Variants in CRYL1 observed in about 807,000 individuals in gnomAD.
The protein encoded by CRYL1 is lambda-crystallin homolog.
CRYL1 carries 29 observed loss-of-function variants against 36.6 expected under a neutral mutation model. The observed-to-expected ratio is 0.79, with a 90% CI of 0.59 to 1.08. The LOEUF (loss-of-function observed/expected upper bound fraction) is 1.08, where lower values mean the gene tolerates loss of function less well. Ranked by LOEUF, CRYL1 falls within the 50% of genes least tolerant of loss-of-function variation. The probability of loss-of-function intolerance (pLI) is 0.00; values close to 1 mark genes in which losing one functional copy is unlikely to be tolerated. For synonymous variants in CRYL1, 152 were observed against 151.5 expected (o/e 1.00, Z -0.02); for missense variants, 411 against 407.9 (o/e 1.01, Z -0.06).
intron 6 of CRYL1, among the ~76,000 whole-genome samples, chr13:20,405,460 T>C (rs2031346257): frequency 6.6e-6 from 1 of 152,186 alleles, no homozygotes; most frequent in Non-Finnish European, 1.5e-5. Flanking sequence ...TTTGAATGCA[T>C]TTTCCAAGAA....
chr13:20,434,441 G>C (rs576270561), intron 4 of CRYL1, among the ~76,000 whole-genome samples: 47 of 152,212 alleles, frequency 3.1e-4, no homozygotes, highest in African/African-American at 1.1e-3. Context: ...TCAGCGCTCT[G>C]TAAAATGCAC....
intron 2 of CRYL1, among the ~76,000 whole-genome samples, chr13:20,502,867 G>C (rs549695788): frequency 9.2e-5 from 14 of 152,260 alleles, no homozygotes; most frequent in African/African-American, 2.9e-4. Context: ...GGAGACAATG[G>C]CCAGTCAAGG....
At chr13:20,405,851 C>G (rs1419464098) in intron 6 of CRYL1, 1 of 152,340 alleles carries the variant, frequency 6.6e-6, no homozygotes, top group Non-Finnish European at 1.5e-5. Flanking sequence ...AGGCCAGTCA[C>G]GGCCCCCACC....
intron 5 of CRYL1, among the ~76,000 whole-genome samples, chr13:20,426,164 G>A (rs2031928478): frequency 6.6e-6 from 1 of 152,042 alleles, no homozygotes; most frequent in African/African-American, 2.4e-5. Flanking sequence ...GGGCAGGTCT[G>A]GCTGGGTGAG....
At chr13:20,496,896 C>T (rs1443281908) in intron 2 of CRYL1, among the ~76,000 whole-genome samples, 1 of 147,152 alleles carries the variant, frequency 6.8e-6, no homozygotes, top group South Asian at 2.2e-4. Context: ...TATTGGGAGA[C>T]AAAATGGACA....
Position 20,426,139 on chromosome 13 carries a change from C to T in CRYL1, c.633+5963G>A, listed in dbSNP as rs898141238. On this transcript the variant is annotated intron_variant, in intron 5 of 7. Coordinates refer to ENST00000298248, the MANE Select transcript of CRYL1 (RefSeq NM_015974.3). ...GGAGATCCCCTGGGGCGTCACTCTC[C>T]AGCAGGCCCAAGCGGGGCAGGTCTG... Among the ~76,000 whole-genome samples the T allele has an allele frequency of 2.0e-5, 3 of 152,202 alleles. No homozygotes were observed. In the East Asian group the frequency reaches 5.8e-4, roughly 29 times the overall value.
chr13:20,447,982 G>A (rs2032493227), intron 3 of CRYL1, among the ~76,000 whole-genome samples: 1 of 152,136 alleles, frequency 6.6e-6, no homozygotes, highest in Non-Finnish European at 1.5e-5. Context: ...ACCCGAGAAA[G>A]TGATCTTTCA....
rs367825418 is a variant in CRYL1 at position 20,473,306 on chromosome 13, G to A, written c.276+16064C>T. On this transcript the variant is annotated intron_variant, in intron 3 of 7. Coordinates refer to ENST00000298248, the MANE Select transcript of CRYL1 (RefSeq NM_015974.3). ...ACATGCTGCTCACTGTGGCCGGAGCGTCGGACTTTAAGGAGCTGTGAGACA... is the reference window on the plus strand; with the variant it reads ...ACATGCTGCTCACTGTGGCCGGAGCATCGGACTTTAAGGAGCTGTGAGACA... Among the ~76,000 whole-genome samples the A allele has an allele frequency of 1.8e-3, 270 of 152,374 alleles. 1 individual carries two copies. Among genetic ancestry groups the A allele is most frequent in the African/African-American group, 5.6e-3 (234 of 41,590 alleles).
At chr13:20,446,571 A>G (rs572064126) in intron 3 of CRYL1, among the ~76,000 whole-genome samples, 10 of 152,352 alleles carry the variant, frequency 6.6e-5, no homozygotes, top group Admixed American at 2.6e-4. Flanking sequence ...GCAGAATGGG[A>G]GAACTAGCCA....
At chr13:20,407,490 G>A (rs2031407895) in intron 6 of CRYL1, among the ~76,000 whole-genome samples, 1 of 152,152 alleles carries the variant, frequency 6.6e-6, no homozygotes, top group Admixed American at 6.5e-5. Flanking sequence ...CACGAGAGGA[G>A]AATTGGGTGT....
Position 20,507,762 on chromosome 13 carries a change from T to C in CRYL1, c.149+4681A>G, listed in dbSNP as rs113309181. On this transcript the variant is annotated intron_variant, in intron 2 of 7. Coordinates refer to ENST00000298248, the MANE Select transcript of CRYL1 (RefSeq NM_015974.3). The stretch of plus-strand genomic sequence containing the variant: ...TGAAACCCCGTCTCTACTAAAAATA[T>C]AAAAAATTAGCTGGGCGTGGTGGCG... Among the ~76,000 whole-genome samples the C allele has an allele frequency of 9.0e-3, 1,365 of 151,556 alleles. 8 individuals carry two copies. Among genetic ancestry groups the C allele is most frequent in the African/African-American group, 0.024 (1,009 of 41,286 alleles).
rs866531134 is a variant in CRYL1, at chr13:20,441,994, G to A, written c.277-2240C>T. The stretch of plus-strand genomic sequence containing the variant: ...ATTGTGTTAACTCCCCTTATCAAAA[G>A]GGGAAAAAGAGCTACAGTAGCTGGC... On this transcript the variant is annotated intron_variant, in intron 3 of 7. Coordinates refer to ENST00000298248, the MANE Select transcript of CRYL1 (RefSeq NM_015974.3). 3.3e-5 allele frequency among the ~76,000 whole-genome samples: 5 copies of A among 152,316 alleles called. No homozygotes were observed. In the Middle Eastern group the frequency reaches 0.01, roughly 311 times the overall value.
intron 3 of CRYL1, among the ~76,000 whole-genome samples, chr13:20,471,469 G>A (rs1157358256): frequency 3.3e-5 from 5 of 152,032 alleles, no homozygotes; most frequent in Admixed American, 6.5e-5. Flanking sequence ...GCCGGGTGTG[G>A]TGGCGGTCGC....
At chr13:20,436,628 C>T (rs1435851752) in intron 4 of CRYL1, among the ~76,000 whole-genome samples, 1 of 152,170 alleles carries the variant, frequency 6.6e-6, no homozygotes, top group African/African-American at 2.4e-5. Flanking sequence ...CACCCTAAAA[C>T]CCAGCCTGAA....
chr13:20,434,686 T>A (rs1199623414), intron 4 of CRYL1, among the ~76,000 whole-genome samples: 3 of 148,554 alleles, frequency 2.0e-5, no homozygotes, highest in Non-Finnish European at 4.5e-5. Context: ...AGCTTTGTCC[T>A]TTTGCTCTTC....
chr13:20,465,830 G>A (rs1294962496), intron 3 of CRYL1, among the ~76,000 whole-genome samples: 1 of 152,000 alleles, frequency 6.6e-6, no homozygotes, highest in Non-Finnish European at 1.5e-5. Flanking sequence ...TTGGATGTGG[G>A]GCCCAGAGGG....
intron 5 of CRYL1, among the ~76,000 whole-genome samples, chr13:20,414,190 A>G (rs935586766): frequency 1.8e-5 from 2 of 109,734 alleles, no homozygotes; most frequent in African/African-American, 7.1e-5. Context: ...AAATAAATAA[A>G]TAAAAATTAA....
intron 5 of CRYL1, chr13:20,430,339 C>T (rs2032031424): frequency 1.0e-6 from 1 of 985,330 alleles, no homozygotes; most frequent in African/African-American, 1.7e-5. Context: ...ACAGGGACTC[C>T]AGGCATCTGA....
intron 1 of CRYL1, among the ~76,000 whole-genome samples, chr13:20,521,000 AG>A (rs373715454): frequency 8.1e-5 from 12 of 148,728 alleles, no homozygotes; most frequent in African/African-American, 2.7e-4. Context: ...GCTACTCGGG[AG>A]GCTGAGGCAG....
Sources: allele counts gnomAD v4.1 joint callset (sites outside exome capture counted in the v4.1 genomes callset), GRCh38; gene constraint gnomAD v4.1.1; transcripts MANE v1.5; gene names NCBI Gene and HGNC (gene_info 2026-07-23, HGNC 2026-07-21).